The following IRAK2 variants were observed in gnomAD, a reference collection of about 807,000 sequenced individuals.
The protein encoded by IRAK2 is interleukin 1 receptor associated kinase 2, also known as interleukin-1 receptor-associated kinase-like 2.
In IRAK2, 57 loss-of-function variants were observed where a neutral mutation model predicts 72.0. The observed-to-expected ratio is 0.79, with a 90% confidence interval of 0.64 to 0.99. The LOEUF (loss-of-function observed/expected upper bound fraction) is 0.99. Ranked by LOEUF, IRAK2 falls within the 50% of genes least tolerant of loss-of-function variation. The pLI is 0.00. For synonymous variants in IRAK2, 293 were observed against 312.7 expected (o/e 0.94, Z 0.67); for missense variants, 790 against 794.4 (o/e 0.99, Z 0.07).
Position 10,222,978 on chromosome 3 carries a change from C to CTTTGGCCTGTGGCGTATTTTG in IRAK2, c.1209+149_1209+169dup, listed in dbSNP as rs1288995417. On this transcript the variant is annotated intron_variant, in intron 9 of 12. Transcript: ENST00000256458. ...CTGACAAACTGTGGCCCACAGGCCACTTTGGCCTGTGGCGTATTTTGTATG... is the reference window on the plus strand; with the variant it reads ...CTGACAAACTGTGGCCCACAGGCCACTTTGGCCTGTGGCGTATTTTGTTTGGCCTGTGGCGTATTTTGTATG... 3.2e-5 allele frequency: 22 copies of CTTTGGCCTGTGGCGTATTTTG among 683,938 alleles called. No individual in the cohort carries two copies. The African/African-American group carries it at 4.0e-4, about 12-fold the overall frequency. 42.4% of individuals were successfully genotyped at this position (683,938 alleles called of 1,614,324 possible). A position where few individuals can be genotyped will look rare whatever the true frequency, so the allele number is the denominator to read the frequency against.
chr3:10,165,882 C>T (rs562999902), intron 1 of IRAK2, among the ~76,000 whole-genome samples: 7 of 151,992 alleles, frequency 4.6e-5, no homozygotes, highest in African/African-American at 7.2e-5. Flanking sequence ...AGGCGCCCGC[C>T]ACCACGCCCG....
At position 10,238,804 on chromosome 3, in the gene IRAK2, C is replaced by T; in HGVS notation, c.1530C>T (p.Leu510=). The change falls in exon 12 of 13, where the codon CTC becomes CTT. Residue 510 remains leucine, a synonymous_variant. Coordinates refer to ENST00000256458, the MANE Select transcript of IRAK2 (RefSeq NM_001570.4). ...EERLRGRETL[L]PWSGLSEGTG... is the part of the protein sequence containing the mutation. ...GGCTCCGAGGTCGGGAGACGTTGCT[C>T]CCTTGGAGTGGGCTTTCTGAGGGTA... 2 of 1,614,048 alleles carry T rather than the reference C, an allele frequency of 1.2e-6. No individual in the cohort carries two copies. The highest frequency in any genetic ancestry group is 1.3e-5 in the African/African-American group (1 of 75,008).
intron 2 of IRAK2, among the ~76,000 whole-genome samples, chr3:10,179,862 G>A (rs1354267566): frequency 6.6e-6 from 1 of 152,206 alleles, no homozygotes; most frequent in East Asian, 1.9e-4. Context: ...GAGCCACCAT[G>A]CCCAGCCATT....
intron 11 of IRAK2, among the ~76,000 whole-genome samples, chr3:10,238,529 G>T (rs539805910): frequency 6.6e-6 from 1 of 152,144 alleles, no homozygotes; most frequent in East Asian, 1.9e-4. Context: ...GGGGTACTAT[G>T]ATCTGCCCAT....
rs189709025 is a variant in IRAK2 at position 10,183,593 on chromosome 3, T to C, written c.277+5573T>C. On this transcript the variant is annotated intron_variant, in intron 2 of 12. Coordinates refer to ENST00000256458, the MANE Select transcript of IRAK2 (RefSeq NM_001570.4). ...AAAATTAGCCTGGCGTGGTTGCGGG[T>C]GCCTGTAGTCCCAGCTACTCAGGAG... Among the ~76,000 whole-genome samples, 181 of 152,126 alleles carry C rather than the reference T, an allele frequency of 1.2e-3. 1 individual carries two copies. The highest frequency in any genetic ancestry group is 0.01 in the Admixed American group (155 of 15,256).
Position 10,208,506 on chromosome 3 carries a change from G to A in IRAK2, c.425-1083G>A, listed in dbSNP as rs1575974335. Among the ~76,000 whole-genome samples, 5 of 151,984 alleles carry A rather than the reference G, an allele frequency of 3.3e-5. No individual in the cohort carries two copies. The South Asian group carries it at 1.0e-3, about 32-fold the overall frequency. On this transcript the variant is annotated intron_variant, in intron 3 of 12. Transcript: ENST00000256458. The stretch of plus-strand genomic sequence containing the variant: ...GGACTGAGCGCAGTGGCTCATGCCT[G>A]TAATCCCAGCACTTTGGGAAGCCAA...
At chr3:10,234,427 A>AC in intron 10 of IRAK2, 32 bp from the exon 11 acceptor site, 1 of 1,594,294 alleles carries the variant, frequency 6.3e-7, no homozygotes, top group Non-Finnish European at 8.6e-7. Flanking sequence ...TCTGCAGCTC[A>AC]CGCAAGGGCG....
intron 3 of IRAK2, among the ~76,000 whole-genome samples, chr3:10,205,232 G>A (rs570193957): frequency 6.6e-6 from 1 of 152,200 alleles, no homozygotes; most frequent in East Asian, 1.9e-4. Context: ...GATTATGGTT[G>A]TGAGTTTCTC....
intron 12 of IRAK2, among the ~76,000 whole-genome samples, chr3:10,241,302 G>A (rs1225743101): frequency 6.6e-6 from 1 of 152,046 alleles, no homozygotes; most frequent in Non-Finnish European, 1.5e-5. Context: ...ACTCACGCCT[G>A]TAATCCTAAC....
chr3:10,211,893 C>T (rs532348352), intron 4 of IRAK2, among the ~76,000 whole-genome samples: 11 of 151,990 alleles, frequency 7.2e-5, no homozygotes, highest in East Asian at 3.9e-4. Context: ...CTGGCTAACA[C>T]GGTGAGGCCT....
In IRAK2 at chr3:10,223,083, T is replaced by C. The variant is rs190660743; in HGVS notation, c.1209+252T>C. 1.8e-3 allele frequency among the ~76,000 whole-genome samples: 269 copies of C among 152,310 alleles called. 1 individual carries two copies. Among genetic ancestry groups the C allele is most frequent in the African/African-American group, 6.0e-3 (250 of 41,568 alleles). ...AAGAATATGTGATAGAGACTGAACA[T>C]GCTCCCCAAAAGCTCACATATTTAC... On this transcript the variant is annotated intron_variant, in intron 9 of 12. Transcript: ENST00000256458.
chr3:10,230,194 T>C (rs1387870303), intron 10 of IRAK2, among the ~76,000 whole-genome samples: 1 of 152,168 alleles, frequency 6.6e-6, no homozygotes, highest in Non-Finnish European at 1.5e-5. Flanking sequence ...TATAGTATGA[T>C]CACATTTTTG....
At position 10,238,963 on chromosome 3, in the gene IRAK2, AAGGCTGCGGGTCATCGTGGGAAGGG is replaced by A; in HGVS notation, c.1696_1720del (p.Arg566ThrfsTer32). ...TTCTCCCCACAGAGAATGGGGAAGG[AAGGCTGCGGGTCATCGTGGGAAGGG>A]AGGCTGACTCCTCCTCTGAGGCCTG... On this transcript the variant is annotated frameshift_variant, in exon 12 of 13. Coordinates refer to ENST00000256458, the MANE Select transcript of IRAK2 (RefSeq NM_001570.4). LOFTEE classifies it high-confidence loss of function. 2.5e-6 allele frequency: 4 copies of A among 1,614,016 alleles called. No homozygotes were observed. The highest frequency in any genetic ancestry group is 3.4e-6 in the Non-Finnish European group (4 of 1,179,976).
chr3:10,215,436 A>G (rs9880151), intron 6 of IRAK2, among the ~76,000 whole-genome samples: 1 of 151,274 alleles, frequency 6.6e-6, no homozygotes, highest in South Asian at 2.1e-4. Context: ...ATTAAAAAGT[A>G]AAACAAATTT....
rs185059838 is a variant in IRAK2 at position 10,197,843 on chromosome 3, C to T, written c.278-2526C>T. ...CTCTAGCCTGGGCGACAGAGTGAGA[C>T]TCCGTCTCAAAAAAAAAAAAAAATT... On this transcript the variant is annotated intron_variant, in intron 2 of 12. Transcript: ENST00000256458. Among the ~76,000 whole-genome samples, 508 of 147,410 alleles carry T rather than the reference C, an allele frequency of 3.4e-3. 11 individuals carry two copies. The South Asian group carries it at 0.044, about 13-fold the overall frequency.
At chr3:10,209,847 G>A (rs781080777) in intron 4 of IRAK2, among the ~76,000 whole-genome samples, 155 bp downstream of exon 4, 3 of 152,104 alleles carry the variant, frequency 2.0e-5, no homozygotes, top group Non-Finnish European at 4.4e-5. Flanking sequence ...AAGACTGTAA[G>A]TAGAGGAGGT....
intron 12 of IRAK2, among the ~76,000 whole-genome samples, chr3:10,239,309 C>T (rs1575994232): frequency 6.6e-6 from 1 of 152,198 alleles, no homozygotes; most frequent in East Asian, 1.9e-4. Context: ...CCCCCTTTGT[C>T]TGAGCTCCTG....
rs2125142422 is a variant in IRAK2 at position 10,177,687 on chromosome 3, C to A, written c.95-151C>A. 5.4e-6 allele frequency: 4 copies of A among 747,384 alleles called. No individual in the cohort carries two copies. The South Asian group carries it at 6.6e-5, about 12-fold the overall frequency. 46.3% of individuals were successfully genotyped at this position (747,384 alleles called of 1,614,324 possible). ...GAGTCAGCGTTGTAACTTGGGCCAC[C>A]TGTGGACCTCAGCTAATGGTGGTGT... is the stretch of plus-strand genomic sequence containing the variant. On this transcript the variant is annotated intron_variant, in intron 1 of 12. Coordinates refer to ENST00000256458, the MANE Select transcript of IRAK2 (RefSeq NM_001570.4).
intron 3 of IRAK2, among the ~76,000 whole-genome samples, chr3:10,203,079 C>A (rs9877905): frequency 6.6e-6 from 1 of 152,154 alleles, no homozygotes; most frequent in African/African-American, 2.4e-5. Context: ...TCATTGCAAC[C>A]TTTGCCTCCC....
Sources: allele counts gnomAD v4.1 joint callset (sites outside exome capture counted in the v4.1 genomes callset), GRCh38; gene constraint gnomAD v4.1.1; transcripts MANE v1.5; gene names NCBI Gene and HGNC (gene_info 2026-07-23, HGNC 2026-07-21).